SNX13: variants seen among roughly 807,000 people sequenced by gnomAD.
SNX13 encodes the protein sorting nexin-13.
A neutral mutation model predicts 133.6 loss-of-function variants in SNX13; 45 were observed. The ratio of observed to expected loss-of-function variants is 0.34; its 90% confidence interval spans 0.27 to 0.43. The LOEUF (loss-of-function observed/expected upper bound fraction) is 0.43, where lower values mean the gene tolerates loss of function less well. Among genes scored for constraint, SNX13 ranks in the 20% least tolerant of loss-of-function variants. The pLI, the probability that SNX13 is intolerant of heterozygous loss-of-function variation, is 1.00. For missense variants in SNX13, 1,032 were observed against 1,145.1 expected (o/e 0.90, Z 1.43); for synonymous variants, 414 against 373.9 (o/e 1.11, Z -1.24).
At chr7:17,801,052 A>ACG (rs1361668671) in intron 22 of SNX13, among the ~76,000 whole-genome samples, 3 of 44,496 alleles carry the variant, frequency 6.7e-5, no homozygotes, top group African/African-American at 2.7e-4. Flanking sequence ...ATATATATAT[A>ACG]TATATATATC....
chr7:17,890,583 T>G, intron 4 of SNX13, 99 bp from the exon 5 acceptor site: 1 of 781,770 alleles, frequency 1.3e-6, no homozygotes, highest in Non-Finnish European at 1.9e-6. Flanking sequence ...AATTTATATT[T>G]ACTCTCTACG....
chr7:17,914,426 C>G (rs1170812932), intron 1 of SNX13, among the ~76,000 whole-genome samples: 1 of 152,066 alleles, frequency 6.6e-6, no homozygotes. Context: ...ATCTGCAAGA[C>G]ACATAGTAAT....
intron 1 of SNX13, among the ~76,000 whole-genome samples, chr7:17,937,015 T>TAAAAAAAAAAAAAAA (rs1363988821): frequency 1.6e-5 from 1 of 63,104 alleles, no homozygotes; most frequent in African/African-American, 5.7e-5. Context: ...AAAAATAAAA[T>TAAAAAAAAAAAAAAA]AAAATAAAAA....
intron 9 of SNX13, among the ~76,000 whole-genome samples, chr7:17,856,791 A>T (rs1405427245): frequency 1.3e-5 from 2 of 150,456 alleles, no homozygotes; most frequent in Admixed American, 6.6e-5. Flanking sequence ...CTCTTAAAAA[A>T]AAAAAAAAAA....
rs766053385 is a variant in SNX13 at position 17,845,673 on chromosome 7, C to T, written c.1087G>A (p.Ala363Thr). The change falls in exon 12 of 26, where the codon GCA (alanine) becomes ACA (threonine). Residue 363 changes from alanine (A) to threonine (T), a missense_variant. Coordinates refer to ENST00000428135, the MANE Select transcript of SNX13 (RefSeq NM_015132.5). ...SGKEINTVKL[A>T]ANFGKLCTVP... ...GTGCAAAGTTTCCCAAAGTTTGCTG[C>T]AAGTTTCACAGTATTTATTTCCTAC... 1 of 1,597,134 alleles carries T rather than the reference C, an allele frequency of 6.3e-7. No individual in the cohort carries two copies.
At chr7:17,826,303 T>C (rs1384116950) in intron 16 of SNX13, among the ~76,000 whole-genome samples, 1 of 151,936 alleles carries the variant, frequency 6.6e-6, no homozygotes, top group African/African-American at 2.4e-5. Context: ...TAACAAAAAA[T>C]TTAGTAATAA....
At chr7:17,808,895 C>A (rs889232055) in intron 20 of SNX13, among the ~76,000 whole-genome samples, 2 of 152,108 alleles carry the variant, frequency 1.3e-5, no homozygotes, top group Non-Finnish European at 2.9e-5. Context: ...CCTTTACAGA[C>A]AAGCAAATGC....
intron 5 of SNX13, 121 bp from the exon 6 acceptor site, chr7:17,875,911 T>C: frequency 2.5e-6 from 2 of 802,512 alleles, no homozygotes; most frequent in Non-Finnish European, 3.7e-6. Context: ...AAATTGAGAT[T>C]TTCATTCATT....
intron 1 of SNX13, among the ~76,000 whole-genome samples, chr7:17,938,292 T>G (rs1802342331): frequency 6.6e-6 from 1 of 152,214 alleles, no homozygotes; most frequent in Non-Finnish European, 1.5e-5. Flanking sequence ...GAAAACTACT[T>G]GAGAGGCAGC....
chr7:17,860,914 G>A (rs1316991529), intron 9 of SNX13, among the ~76,000 whole-genome samples: 1 of 152,198 alleles, frequency 6.6e-6, no homozygotes, highest in Admixed American at 6.5e-5. Flanking sequence ...AAATATCATT[G>A]GGATTTTGGT....
intron 17 of SNX13, among the ~76,000 whole-genome samples, chr7:17,824,191 A>G (rs1201904411): frequency 2.0e-5 from 3 of 152,138 alleles, no homozygotes; most frequent in African/African-American, 7.2e-5. Context: ...AAAAAAAAAT[A>G]GCACTAGAAT....
chr7:17,916,154 G>C (rs755942452), intron 1 of SNX13, among the ~76,000 whole-genome samples: 1 of 151,780 alleles, frequency 6.6e-6, no homozygotes, highest in Non-Finnish European at 1.5e-5. Flanking sequence ...ACAGTGTTAA[G>C]AGGACTAGAC....
At chr7:17,906,605 A>C (rs768657090) in intron 1 of SNX13, among the ~76,000 whole-genome samples, 2 of 152,150 alleles carry the variant, frequency 1.3e-5, no homozygotes, top group Non-Finnish European at 2.9e-5. Flanking sequence ...GATATGGCCA[A>C]AAGGTGGTTA....
intron 9 of SNX13, among the ~76,000 whole-genome samples, chr7:17,856,568 G>C (rs778655693): frequency 8.6e-5 from 13 of 152,008 alleles, no homozygotes; most frequent in Admixed American, 3.9e-4. Context: ...TGAGGTGGGA[G>C]GGGTACTTGA....
intron 1 of SNX13, among the ~76,000 whole-genome samples, chr7:17,933,889 C>T (rs1275847417): frequency 2.6e-5 from 4 of 151,776 alleles, no homozygotes; most frequent in Non-Finnish European, 5.9e-5. Flanking sequence ...ATATGATCTT[C>T]ATAACAATGT....
chr7:17,871,587 C>A (rs991797451), intron 8 of SNX13, among the ~76,000 whole-genome samples: 5 of 152,186 alleles, frequency 3.3e-5, no homozygotes, highest in African/African-American at 1.2e-4. Flanking sequence ...TGTGTCTGAA[C>A]ATCCCATCCT....
chr7:17,850,342 CT>C lies in SNX13; in HGVS notation c.1065+4del. ...TAAACGTTAATTCAAAACTACTTTACTTACTTTGCCTGACTGCAATCGCTGT... is the reference window on the plus strand; with the variant it reads ...TAAACGTTAATTCAAAACTACTTTACTACTTTGCCTGACTGCAATCGCTGT... On this transcript the variant is annotated splice_donor_region_variant and intron_variant, in intron 11 of 25. Transcript: ENST00000428135. 1 of 1,576,118 alleles carries C rather than the reference CT, an allele frequency of 6.3e-7. No homozygotes were observed. Among genetic ancestry groups the C allele is most frequent in the Non-Finnish European group, 8.6e-7 (1 of 1,159,436 alleles).
At chr7:17,888,409 A>G (rs2127989824) in intron 5 of SNX13, 1 of 221,672 alleles carries the variant, frequency 4.5e-6, no homozygotes, top group South Asian at 5.7e-5. Context: ...GATCAAAAAC[A>G]GGGAAAGTAT....
chr7:17,847,361 C>A (rs566054409), intron 11 of SNX13, among the ~76,000 whole-genome samples: 1 of 151,984 alleles, frequency 6.6e-6, no homozygotes, highest in Non-Finnish European at 1.5e-5. Context: ...GACGGAGTGT[C>A]GCTCTTGTTG....
Sources: allele counts gnomAD v4.1 joint callset (sites outside exome capture counted in the v4.1 genomes callset), GRCh38; gene constraint gnomAD v4.1.1; transcripts MANE v1.5; gene names NCBI Gene and HGNC (gene_info 2026-07-23, HGNC 2026-07-21).